COL16A1: variants seen among roughly 807,000 people sequenced by gnomAD.
COL16A1 encodes collagen alpha-1(XVI) chain.
COL16A1 carries 189 observed loss-of-function variants against 266.3 expected under a neutral mutation model. The observed-to-expected ratio is 0.71, with a 90% CI of 0.63 to 0.80. The LOEUF (loss-of-function observed/expected upper bound fraction) is 0.80, where lower values mean the gene tolerates loss of function less well. Among genes scored for constraint, COL16A1 ranks in the 30% least tolerant of loss-of-function variants. The pLI, the probability that COL16A1 is intolerant of heterozygous loss-of-function variation, is 0.00. For missense variants in COL16A1, 1,928 were observed against 2,122.4 expected, an observed-to-expected ratio of 0.91 and a Z score of 1.80; for synonymous variants, 740 against 782.3, an observed-to-expected ratio of 0.95 and a Z score of 0.90.
At chr1:31,690,462 G>T (rs988040788) in intron 21 of COL16A1, 67 bp downstream of exon 21, 3 of 1,614,176 alleles carry the variant, frequency 1.9e-6, no homozygotes, top group African/African-American at 2.7e-5. Flanking sequence ...AGGGCCGGAG[G>T]ACCTAGCCCC....
chr1:31,673,976 C>A (rs989147946), intron 44 of COL16A1, among the ~76,000 whole-genome samples: 1 of 152,232 alleles, frequency 6.6e-6, no homozygotes, highest in African/African-American at 2.4e-5. Context: ...TGGAGTCACA[C>A]GATCACTGCC....
At chr1:31,654,566 G>A (rs1640938632) in intron 68 of COL16A1, among the ~76,000 whole-genome samples, 1 of 152,180 alleles carries the variant, frequency 6.6e-6, no homozygotes, top group Admixed American at 6.5e-5. Flanking sequence ...CTCAAGTGGG[G>A]GCTCGGGGAA....
In COL16A1 at chr1:31,698,537, GGT is replaced by G; in HGVS notation, c.334_335del (p.Thr112ProfsTer101). 6.2e-7 allele frequency: 1 copy of G among 1,614,124 alleles called. No homozygotes were observed. The highest frequency in any genetic ancestry group is 1.1e-5 in the South Asian group (1 of 91,080). On this transcript the variant is annotated frameshift_variant, in exon 5 of 71. Coordinates refer to ENST00000373672, the MANE Select transcript of COL16A1 (RefSeq NM_001856.4). LOFTEE classifies it high-confidence loss of function. The surrounding 1 kb of genome is among the most constrained non-coding windows in gnomAD (Gnocchi z 4.1). ...LVLTLLLKKH[T>X]HQKTWYLFQV... is the part of the protein sequence containing the mutation. ...GAAACAGATACCACGTCTTCTGGTG[GGT>G]GTGTTTCTTCAGCAGTAGTGTCAGC...
In COL16A1 at chr1:31,662,606, G is replaced by T; in HGVS notation, c.3608C>A (p.Pro1203Gln). 1 of 1,566,878 alleles carries T rather than the reference G, an allele frequency of 6.4e-7. No individual in the cohort carries two copies. The highest frequency in any genetic ancestry group is 8.6e-7 in the Non-Finnish European group (1 of 1,156,256). The change falls in exon 57 of 71, where the codon CCG becomes CAG. Residue 1203 changes from proline to glutamine, a missense_variant. By Grantham distance (76) the Pro-to-Gln change is moderately conservative. Coordinates refer to ENST00000373672, the MANE Select transcript of COL16A1 (RefSeq NM_001856.4). ...ACTCACCTGAATCCCAGGAGGTCCC[G>T]GTGGCCCAGGGGAGCCAGGCAGGCC... is the stretch of plus-strand genomic sequence containing the variant. ...PSGLPGSPGP[P>Q]GPPGIQGPAG...
chr1:31,674,998 C>T lies in COL16A1; in HGVS notation c.2859+9G>A, dbSNP rs200086631. ...CCAGCTCACACTTCCCTCCTGGGTA[C>T]CCTCTTACCTTAAGGAGGTGCTGTT... On this transcript the variant is annotated intron_variant, in intron 44 of 70. Coordinates refer to ENST00000373672, the MANE Select transcript of COL16A1 (RefSeq NM_001856.4). The T allele has an allele frequency of 1.2e-6, 2 of 1,611,856 alleles. No individual in the cohort carries two copies. Among genetic ancestry groups the T allele is most frequent in the South Asian group, 2.2e-5 (2 of 90,454 alleles).
chr1:31,684,694 G>A (rs1643886284), intron 30 of COL16A1, 64 bp from the exon 31 acceptor site: 3 of 1,607,476 alleles, frequency 1.9e-6, no homozygotes, highest in African/African-American at 1.3e-5. Context: ...GCCCCCCTGG[G>A]ACTCGCAGGC....
rs770783463 is a variant in COL16A1 at position 31,684,220 on chromosome 1, G to A, written c.2172C>T (p.Cys724=). Residue 724 remains cysteine (C), a synonymous_variant, in exon 32 of 71, where the codon TGC becomes TGT. Transcript: ENST00000373672. The part of the protein sequence containing the change: ...AGPKGEKGDG[C]TACPSLQGTV... Reference sequence around the variant, plus strand: ...TCCCCTGCAGGCTGGGGCAGGCAGTGCAGCCATCACCCTGGTCAGAGATGG... The same window carrying A: ...TCCCCTGCAGGCTGGGGCAGGCAGTACAGCCATCACCCTGGTCAGAGATGG... The A allele has an allele frequency of 1.5e-5, 23 of 1,503,606 alleles. No individual in the cohort carries two copies. The South Asian group carries it at 2.8e-4, about 18-fold the overall frequency. 93.1% of individuals were successfully genotyped at this position (1,503,606 alleles called of 1,614,324 possible). A position where few individuals can be genotyped will look rare whatever the true frequency, so the allele number is the denominator to read the frequency against.
In COL16A1 at chr1:31,684,119, G is replaced by A. The variant is rs768439731; in HGVS notation, c.2273C>T (p.Pro758Leu). The change falls in exon 32 of 71, where the codon CCT becomes CTT. Residue 758 changes from proline (P) to leucine (L), a missense_variant. Physicochemically the swap from Pro to Leu is moderately conservative, Grantham distance 98. Transcript: ENST00000373672. ...GEQGPEGVGR[P>L]GKPGQPGLPG... Reference sequence around the variant, plus strand: ...GGGCAGGCAACTCACGGGTTTACCAGGTCGGCCCACGCCTTCGGGGCCCTG... The same window carrying A: ...GGGCAGGCAACTCACGGGTTTACCAAGTCGGCCCACGCCTTCGGGGCCCTG... 2.7e-5 allele frequency: 42 copies of A among 1,582,054 alleles called. No individual in the cohort carries two copies. The highest frequency in any genetic ancestry group is 3.5e-5 in the Non-Finnish European group (41 of 1,163,130).
chr1:31,689,896 C>A, intron 22 of COL16A1, 45 bp from the exon 23 acceptor site: 1 of 1,574,182 alleles, frequency 6.4e-7, no homozygotes, highest in Non-Finnish European at 8.7e-7. Flanking sequence ...GGGGCTGAGA[C>A]CCCAGGGAAG....
At chr1:31,677,065 G>A (rs574786255) in intron 42 of COL16A1, among the ~76,000 whole-genome samples, 8 of 148,922 alleles carry the variant, frequency 5.4e-5, no homozygotes, top group African/African-American at 2.0e-4. Context: ...CCTTGAACAT[G>A]TCAATTATTA....
Position 31,654,849 on chromosome 1 carries a change from C to T in COL16A1, c.4300G>A (p.Val1434Met). 1 of 1,614,096 alleles carries T rather than the reference C, an allele frequency of 6.2e-7. No individual in the cohort carries two copies. Among genetic ancestry groups the T allele is most frequent in the Non-Finnish European group, 8.5e-7 (1 of 1,180,040 alleles). ...PGVPGSMGDM[V>M]NYDEIKRFIR... ...AACCTCTTGATTTCATCATAATTCA[C>T]CATGTCTCCCTGAAGAAAGAGAAGA... Residue 1434 changes from valine to methionine, a missense_variant, in exon 68 of 71, where the codon GTG becomes ATG. Physicochemically the swap from Val to Met is conservative, Grantham distance 21 (BLOSUM62 1). Transcript: ENST00000373672.
rs1641879756 is a variant in COL16A1 at position 31,663,656 on chromosome 1, A to G, written c.3556-998T>C. ...ACTCTAGGACCCCCACCGTTGTCTTAGCCAGGGAATCTCCGCTTGTATTTG... is the reference window on the plus strand; with the variant it reads ...ACTCTAGGACCCCCACCGTTGTCTTGGCCAGGGAATCTCCGCTTGTATTTG... On this transcript the variant is annotated intron_variant, in intron 56 of 70. Transcript: ENST00000373672. The surrounding 1 kb of genome is among the most constrained non-coding windows in gnomAD (Gnocchi z 4.9). 2.0e-5 allele frequency among the ~76,000 whole-genome samples: 3 copies of G among 152,236 alleles called. No homozygotes were observed. The South Asian group carries it at 6.2e-4, about 32-fold the overall frequency.
intron 2 of COL16A1, among the ~76,000 whole-genome samples, chr1:31,700,958 G>A (rs980419483): frequency 6.6e-5 from 10 of 152,198 alleles, no homozygotes; most frequent in African/African-American, 2.4e-4. Context: ...TCGCCCTGGG[G>A]CTGACTGAGC....
intron 62 of COL16A1, 136 bp downstream of exon 62, chr1:31,660,449 G>T (rs756963012): frequency 1.1e-5 from 12 of 1,112,328 alleles, no homozygotes; most frequent in Non-Finnish European, 1.5e-5. Flanking sequence ...ACCACAGAAG[G>T]AGTGGCCCCC....
intron 1 of COL16A1, 97 bp from the exon 2 acceptor site, chr1:31,702,324 T>C (rs1009866743): frequency 7.7e-7 from 1 of 1,293,714 alleles, no homozygotes; most frequent in African/African-American, 1.5e-5. Flanking sequence ...GCCCAGGCAC[T>C]GGTATTGGGG....
At chr1:31,683,053 A>G (rs777473866) in intron 36 of COL16A1, 51 bp from the exon 37 acceptor site, 12 of 1,612,964 alleles carry the variant, frequency 7.4e-6, no homozygotes, top group Non-Finnish European at 1.0e-5. Flanking sequence ...GAAGCCAGCT[A>G]CAACCCAGCA....
Position 31,683,940 on chromosome 1 carries a change from T to C in COL16A1, c.2337+10A>G. ...TAGCTACGGCCCAGGGCCCCAAGACTCACACATACCTGCACGCCCTTCAGT... is the reference window on the plus strand; with the variant it reads ...TAGCTACGGCCCAGGGCCCCAAGACCCACACATACCTGCACGCCCTTCAGT... On this transcript the variant is annotated intron_variant, in intron 33 of 70. Transcript: ENST00000373672. 6.2e-7 allele frequency: 1 copy of C among 1,613,852 alleles called. No homozygotes were observed. The highest frequency in any genetic ancestry group is 8.5e-7 in the Non-Finnish European group (1 of 1,179,958).
chr1:31,696,076 C>T lies in COL16A1; in HGVS notation c.918+12G>A. 6.3e-7 allele frequency: 1 copy of T among 1,596,356 alleles called. No individual in the cohort carries two copies. Among genetic ancestry groups the T allele is most frequent in the Non-Finnish European group, 8.6e-7 (1 of 1,164,108 alleles). ...AGGGCAGGTAGGCTCCTCCCCCCAC[C>T]CCCACCTCTACCTTTGCTCCCCTTT... On this transcript the variant is annotated intron_variant, in intron 9 of 70. Coordinates refer to ENST00000373672, the MANE Select transcript of COL16A1 (RefSeq NM_001856.4).
intron 47 of COL16A1, 99 bp downstream of exon 47, chr1:31,672,317 A>G (rs1265172620): frequency 7.4e-7 from 1 of 1,352,678 alleles, no homozygotes; most frequent in Non-Finnish European, 1.0e-6. Flanking sequence ...AGAGTGGTAA[A>G]GGGCATCAGT....
Sources: allele counts gnomAD v4.1 joint callset (sites outside exome capture counted in the v4.1 genomes callset), GRCh38; gene constraint gnomAD v4.1.1; non-coding constraint Gnocchi (gnomAD v3.1); transcripts MANE v1.5; gene names NCBI Gene and HGNC (gene_info 2026-07-23, HGNC 2026-07-21).